Variants in MRPL39 observed in about 807,000 individuals in gnomAD.
MRPL39 encodes the protein mitochondrial ribosomal protein L39, also known as large ribosomal subunit protein mL39.
Under a neutral mutation model 44.5 loss-of-function variants are expected in MRPL39, and 35 were observed. The observed-to-expected ratio is 0.79, with a 90% confidence interval of 0.60 to 1.04. The LOEUF is 1.04. Ranked by LOEUF, MRPL39 falls within the 50% of genes least tolerant of loss-of-function variation. The pLI, the probability that MRPL39 is intolerant of heterozygous loss-of-function variation, is 0.00. For missense variants in MRPL39, 433 were observed against 413.5 expected (o/e 1.05, Z -0.41); for synonymous variants, 139 against 136.1 (o/e 1.02, Z -0.15).
chr21:25,600,492 C>G (rs1342801437), intron 4 of MRPL39, among the ~76,000 whole-genome samples: 1 of 150,864 alleles, frequency 6.6e-6, no homozygotes, highest in Non-Finnish European at 1.5e-5. Context: ...CTTTTATATC[C>G]CCTAAATATC....
intron 5 of MRPL39, among the ~76,000 whole-genome samples, chr21:25,598,625 A>C (rs1213393372): frequency 6.6e-6 from 1 of 151,914 alleles, no homozygotes; most frequent in East Asian, 1.9e-4. Context: ...AAACAGTTCC[A>C]ATCCCTTCCC....
chr21:25,591,602 C>A (rs781220244), intron 8 of MRPL39, among the ~76,000 whole-genome samples: 1 of 151,428 alleles, frequency 6.6e-6, no homozygotes, highest in Non-Finnish European at 1.5e-5. Context: ...CAGAGAAATT[C>A]AAATTAAAAC....
In MRPL39 at chr21:25,588,723, A is replaced by G. The variant is rs1369644439; in HGVS notation, c.969+112T>C. 3 of 996,770 alleles carry G rather than the reference A, an allele frequency of 3.0e-6. No homozygotes were observed. The African/African-American group carries it at 4.9e-5, about 16-fold the overall frequency. 61.7% of individuals were successfully genotyped at this position (996,770 alleles called of 1,614,324 possible). On this transcript the variant is annotated intron_variant, in intron 9 of 9. Coordinates refer to ENST00000352957, the MANE Select transcript of MRPL39 (RefSeq NM_017446.4). ...ACTGCTTTGACTATTGAGACAACTT[A>G]CTTTTTTCCTTTCTCTTTGTTTCTT...
chr21:25,595,057 G>C (rs973502788), intron 6 of MRPL39, among the ~76,000 whole-genome samples: 1 of 152,126 alleles, frequency 6.6e-6, no homozygotes, highest in Non-Finnish European at 1.5e-5. Context: ...TATAGCTAAA[G>C]GCACAGATGA....
rs1268758786 is a variant in MRPL39 at position 25,603,942 on chromosome 21, A to G, written c.281-7T>C. The G allele has an allele frequency of 6.2e-7, 1 of 1,601,040 alleles. No individual in the cohort carries two copies. The highest frequency in any genetic ancestry group is 1.1e-5 in the South Asian group (1 of 87,920). ...CAATACCACTCGCTTAAATCTAGAAATTTAAAACAGACTGATTATCTAACA... is the reference window on the plus strand; with the variant it reads ...CAATACCACTCGCTTAAATCTAGAAGTTTAAAACAGACTGATTATCTAACA... On this transcript the variant is annotated splice_polypyrimidine_tract_variant and splice_region_variant and intron_variant, in intron 2 of 9. Transcript: ENST00000352957.
intron 6 of MRPL39, among the ~76,000 whole-genome samples, chr21:25,594,640 T>G (rs1346802457): frequency 1.3e-5 from 2 of 152,142 alleles, no homozygotes; most frequent in Non-Finnish European, 2.9e-5. Flanking sequence ...CCTTTGAGAA[T>G]TCTATCCTAC....
At chr21:25,594,938 T>C (rs1015311373) in intron 6 of MRPL39, among the ~76,000 whole-genome samples, 6 of 152,232 alleles carry the variant, frequency 3.9e-5, no homozygotes, top group Admixed American at 3.9e-4. Flanking sequence ...GTGAAAAACC[T>C]GGGAGATTTC....
intron 7 of MRPL39, among the ~76,000 whole-genome samples, 181 bp downstream of exon 7, chr21:25,593,712 G>C (rs561898904): frequency 6.6e-6 from 1 of 152,174 alleles, no homozygotes; most frequent in Non-Finnish European, 1.5e-5. Flanking sequence ...AAGTGTTCCT[G>C]AAGATAATTT....
intron 3 of MRPL39, among the ~76,000 whole-genome samples, 183 bp from the exon 4 acceptor site, chr21:25,601,650 A>G (rs761709729): frequency 1.8e-4 from 28 of 152,178 alleles, no homozygotes; most frequent in African/African-American, 2.9e-4. Flanking sequence ...CAAAAATCAA[A>G]AAAGAATGAA....
chr21:25,603,392 G>C (rs1173213433), intron 3 of MRPL39, among the ~76,000 whole-genome samples: 2 of 152,106 alleles, frequency 1.3e-5, no homozygotes, highest in Admixed American at 6.5e-5. Flanking sequence ...TTATATGCCT[G>C]TAAAAGAACA....
Position 25,599,893 on chromosome 21 carries a change from A to G in MRPL39, c.521-27T>C, listed in dbSNP as rs1447291344. ...TGTAAATCCAACCAAAATAAAAAGC[A>G]AAGTCAAATCTGCCCCAACAGAAAG... is the stretch of plus-strand genomic sequence containing the variant. On this transcript the variant is annotated intron_variant, in intron 4 of 9. Coordinates refer to ENST00000352957, the MANE Select transcript of MRPL39 (RefSeq NM_017446.4). The G allele has an allele frequency of 2.5e-6, 4 of 1,582,562 alleles. No individual in the cohort carries two copies. The South Asian group carries it at 4.4e-5, about 18-fold the overall frequency.
chr21:25,599,215 C>A (rs1288214734), intron 5 of MRPL39, among the ~76,000 whole-genome samples: 1 of 152,176 alleles, frequency 6.6e-6, no homozygotes, highest in Admixed American at 6.5e-5. Flanking sequence ...ATTACAAAGG[C>A]AAACCATTCA....
intron 6 of MRPL39, among the ~76,000 whole-genome samples, chr21:25,596,248 G>A (rs901520805): frequency 2.0e-5 from 3 of 152,094 alleles, no homozygotes; most frequent in Non-Finnish European, 2.9e-5. Context: ...ACAGGCGCCC[G>A]CCACCACGCC....
chr21:25,603,865 C>T lies in MRPL39; in HGVS notation c.351G>A (p.Lys117=), dbSNP rs114037138. ...TAATTTCACAGGACTTTGTTAAAGG[C>T]TTATACATGTCCCAAGGCTGTCCAT... ...LVDGQPWDMY[K]PLTKSCEIKF... The change falls in exon 3 of 10, where the codon AAG becomes AAA. Residue 117 remains lysine (K), a synonymous_variant. Coordinates refer to ENST00000352957, the MANE Select transcript of MRPL39 (RefSeq NM_017446.4). The T allele has an allele frequency of 3.1e-6, 5 of 1,612,792 alleles. No individual in the cohort carries two copies. Among genetic ancestry groups the T allele is most frequent in the Admixed American group, 1.7e-5 (1 of 59,810 alleles).
In MRPL39 at chr21:25,593,964, A is replaced by G. The variant is rs771258756; in HGVS notation, c.702-6T>C. ...CTATGAAATCTACTTTGTACCTGAA[A>G]AGCAGCAAAGAAAAAAACATTTTTT... is the stretch of plus-strand genomic sequence containing the variant. On this transcript the variant is annotated splice_polypyrimidine_tract_variant and splice_region_variant and intron_variant, in intron 6 of 9. Coordinates refer to ENST00000352957, the MANE Select transcript of MRPL39 (RefSeq NM_017446.4). The G allele has an allele frequency of 2.6e-5, 42 of 1,611,750 alleles. 1 individual carries two copies. The highest frequency in any genetic ancestry group is 1.7e-4 in the Middle Eastern group (1 of 6,056).
chr21:25,589,747 A>T (rs991722762), intron 8 of MRPL39, among the ~76,000 whole-genome samples: 9 of 152,262 alleles, frequency 5.9e-5, no homozygotes, highest in African/African-American at 2.2e-4. Flanking sequence ...CTATAATAAA[A>T]GGTAAAATTA....
At chr21:25,595,934 C>G (rs1212269963) in intron 6 of MRPL39, among the ~76,000 whole-genome samples, 1 of 152,096 alleles carries the variant, frequency 6.6e-6, no homozygotes, top group Non-Finnish European at 1.5e-5. Flanking sequence ...TTTGGTTCTA[C>G]AATACTATCT....
intron 3 of MRPL39, among the ~76,000 whole-genome samples, chr21:25,603,539 G>A (rs2031579006): frequency 6.6e-6 from 1 of 152,122 alleles, no homozygotes; most frequent in Admixed American, 6.5e-5. Context: ...CCACAATATA[G>A]AGAGTGATTA....
At chr21:25,603,416 GA>G (rs910231283) in intron 3 of MRPL39, among the ~76,000 whole-genome samples, 61 of 151,554 alleles carry the variant, frequency 4.0e-4, no homozygotes, top group African/African-American at 1.3e-3. Flanking sequence ...TTTAAGTAAC[GA>G]AAAAAAATAG....
Sources: allele counts gnomAD v4.1 joint callset (sites outside exome capture counted in the v4.1 genomes callset), GRCh38; gene constraint gnomAD v4.1.1; transcripts MANE v1.5; gene names NCBI Gene and HGNC (gene_info 2026-07-23, HGNC 2026-07-21).